GADL1: variants seen among roughly 807,000 people sequenced by gnomAD.
The protein encoded by GADL1 is GAD like acidic amino acid decarboxylase 1.
Under a neutral mutation model 69.5 loss-of-function variants are expected in GADL1, and 71 were observed. That is an observed-to-expected ratio of 1.02 (90% CI 0.84 to 1.25). GADL1 has a LOEUF of 1.25. Among genes scored for constraint, GADL1 ranks in the 50% most tolerant of loss-of-function variants. GADL1 has a pLI of 0.00. For missense variants in GADL1, 737 were observed against 631.8 expected (o/e 1.17, Z -1.79); for synonymous variants, 254 against 214.4 (o/e 1.18, Z -1.62).
At chr3:30,781,768 C>T (rs547176239) in intron 13 of GADL1, among the ~76,000 whole-genome samples, 2 of 152,240 alleles carry the variant, frequency 1.3e-5, no homozygotes, top group South Asian at 2.1e-4. Flanking sequence ...AAAGAGAAAA[C>T]GTGTTTTCAA....
chr3:30,834,070 G>A, intron 10 of GADL1, 136 bp from the exon 11 acceptor site: 1 of 907,498 alleles, frequency 1.1e-6, no homozygotes, highest in Non-Finnish European at 1.8e-6. Flanking sequence ...TTATCTGAGT[G>A]GTTTAAGGAA....
Position 30,800,972 on chromosome 3 carries a change from A to C in GADL1, c.1167T>G (p.Asp389Glu). The change falls in exon 12 of 15, where the codon GAT (aspartate) becomes GAG (glutamate). Residue 389 changes from aspartate to glutamate, a missense_variant. By Grantham distance (45) the Asp-to-Glu change is conservative. Coordinates refer to ENST00000282538, the MANE Select transcript of GADL1 (RefSeq NM_207359.3). ...TCCAGGTCATCCAGAACTTGAATGC[A>C]TCTGGTCTTCTGCTACACTGGATAG... is the stretch of plus-strand genomic sequence containing the variant. ...DKSIQCSRRP[D>E]AFKFWMTWKA... 6.2e-7 allele frequency: 1 copy of C among 1,613,870 alleles called. No homozygotes were observed. Among genetic ancestry groups the C allele is most frequent in the South Asian group, 1.1e-5 (1 of 91,070 alleles).
chr3:30,872,149 A>C (rs189569065), intron 1 of GADL1, among the ~76,000 whole-genome samples: 144 of 152,084 alleles, frequency 9.5e-4, no homozygotes, highest in Middle Eastern at 3.4e-3. Context: ...ATTCAGCTTG[A>C]AAACACTTAT....
intron 14 of GADL1, among the ~76,000 whole-genome samples, chr3:30,745,467 C>A (rs1375741148): frequency 6.6e-6 from 1 of 152,174 alleles, no homozygotes; most frequent in Non-Finnish European, 1.5e-5. Flanking sequence ...ACACCCAAAT[C>A]ATGAAATTCT....
chr3:30,748,838 A>AATTT (rs1043057743), intron 14 of GADL1, among the ~76,000 whole-genome samples: 3 of 152,128 alleles, frequency 2.0e-5, no homozygotes, highest in Non-Finnish European at 4.4e-5. Context: ...CTGTGTCCTC[A>AATTT]ATTTATTTAT....
chr3:30,869,498 A>G (rs1405096289), intron 1 of GADL1, among the ~76,000 whole-genome samples: 1 of 151,898 alleles, frequency 6.6e-6, no homozygotes, highest in Admixed American at 6.6e-5. Flanking sequence ...TAGCCCTGTG[A>G]TTTGATAGAA....
At chr3:30,772,910 T>C (rs1249861391) in intron 14 of GADL1, among the ~76,000 whole-genome samples, 1 of 152,010 alleles carries the variant, frequency 6.6e-6, no homozygotes. Context: ...TCTACCACAA[T>C]GCCCGAAGCT....
At chr3:30,856,869 G>C in intron 3 of GADL1, 146 bp downstream of exon 3, 1 of 628,188 alleles carries the variant, frequency 1.6e-6, no homozygotes, top group Non-Finnish European at 2.7e-6. Flanking sequence ...AGGGATTAAA[G>C]GGACCATTGC....
At chr3:30,803,592 A>T (rs1468529999) in intron 11 of GADL1, among the ~76,000 whole-genome samples, 1 of 152,256 alleles carries the variant, frequency 6.6e-6, no homozygotes, top group African/African-American at 2.4e-5. Context: ...GGAGAACAAG[A>T]GAGCCAAGAA....
At chr3:30,751,745 T>TA (rs1056393360) in intron 14 of GADL1, among the ~76,000 whole-genome samples, 5 of 152,206 alleles carry the variant, frequency 3.3e-5, no homozygotes, top group Non-Finnish European at 7.3e-5. Context: ...GAACTAGATT[T>TA]CTGCTGCGCT....
chr3:30,757,078 C>T (rs1469390274), intron 14 of GADL1, among the ~76,000 whole-genome samples: 1 of 152,150 alleles, frequency 6.6e-6, no homozygotes, highest in Non-Finnish European at 1.5e-5. Flanking sequence ...CAACTTCTGG[C>T]TCACCTCGAG....
At chr3:30,781,119 G>A (rs947555420) in intron 13 of GADL1, among the ~76,000 whole-genome samples, 4 of 152,126 alleles carry the variant, frequency 2.6e-5, no homozygotes, top group African/African-American at 9.7e-5. Context: ...ATTTACAGGA[G>A]TCCAAGTATC....
intron 11 of GADL1, among the ~76,000 whole-genome samples, chr3:30,821,716 A>G (rs1655676564): frequency 6.6e-6 from 1 of 151,630 alleles, no homozygotes; most frequent in Non-Finnish European, 1.5e-5. Context: ...AACTGGAAGA[A>G]TAAATAGATG....
At chr3:30,783,609 C>A (rs1006692398) in intron 13 of GADL1, among the ~76,000 whole-genome samples, 1 of 151,442 alleles carries the variant, frequency 6.6e-6, no homozygotes, top group Non-Finnish European at 1.5e-5. Context: ...TTATATGTGA[C>A]ATTCAGGGTC....
chr3:30,831,705 C>T (rs563050071), intron 11 of GADL1, among the ~76,000 whole-genome samples: 3 of 151,902 alleles, frequency 2.0e-5, no homozygotes, highest in South Asian at 4.2e-4. Context: ...AGAATGCTCT[C>T]GTATAAAATT....
At chr3:30,872,129 A>G (rs1269976984) in intron 1 of GADL1, among the ~76,000 whole-genome samples, 1 of 151,920 alleles carries the variant, frequency 6.6e-6, no homozygotes, top group Non-Finnish European at 1.5e-5. Context: ...AACTTCTATA[A>G]TGGGTACAAA....
At chr3:30,818,910 T>C (rs1005762303) in intron 11 of GADL1, among the ~76,000 whole-genome samples, 1 of 152,130 alleles carries the variant, frequency 6.6e-6, no homozygotes, top group African/African-American at 2.4e-5. Flanking sequence ...TGAGGCCTGC[T>C]TCTTGCTTCA....
intron 12 of GADL1, among the ~76,000 whole-genome samples, chr3:30,791,621 C>T (rs1007285727): frequency 2.0e-5 from 3 of 152,084 alleles, no homozygotes; most frequent in Admixed American, 1.3e-4. Context: ...TCTGTTAAAA[C>T]TCTTTTTGCT....
intron 14 of GADL1, among the ~76,000 whole-genome samples, chr3:30,756,062 A>G (rs180929428): frequency 6.6e-6 from 1 of 152,290 alleles, no homozygotes; most frequent in African/African-American, 2.4e-5. Context: ...AGGGCTGTGC[A>G]GGAGGAGTTT....
Sources: gnomAD v4.1 joint callset for allele counts (sites outside exome capture counted in the v4.1 genomes callset) on GRCh38, gnomAD v4.1.1 for gene constraint, MANE v1.5 for transcripts, NCBI Gene and HGNC (gene_info 2026-07-23, HGNC 2026-07-21) for gene names.